TWIST2: variants seen among roughly 807,000 people sequenced by gnomAD.
TWIST2 encodes the protein twist family bHLH transcription factor 2.
Under a neutral mutation model 11.6 loss-of-function variants are expected in TWIST2, and 1 was observed. The ratio of observed to expected loss-of-function variants is 0.09; its 90% CI spans 0.03 to 0.41. The LOEUF (loss-of-function observed/expected upper bound fraction) is 0.41, where lower values mean the gene tolerates loss of function less well. TWIST2 is among the 10% of genes least tolerant of loss of function. The pLI is 0.98. For synonymous variants in TWIST2, 87 were observed against 96.6 expected (o/e 0.90, Z 0.58); for missense variants, 168 against 226.4 (o/e 0.74, Z 1.66).
At chr2:238,905,199 C>T (rs1189604210) in intron 1 of TWIST2, among the ~76,000 whole-genome samples, 7 of 151,442 alleles carry the variant, frequency 4.6e-5, no homozygotes, top group Non-Finnish European at 8.9e-5. Flanking sequence ...AATGGGGCCT[C>T]ACCTGCTCAT....
Position 238,866,613 on chromosome 2 carries a change from C to A in TWIST2, c.*35+17880C>A. Among the ~76,000 whole-genome samples, 1 of 152,050 alleles carries A rather than the reference C, an allele frequency of 6.6e-6. No homozygotes were observed. Among genetic ancestry groups the A allele is most frequent in the South Asian group, 2.1e-4 (1 of 4,822 alleles). ...CGGAGGTTGCAGTGAGCTGAGATCG[C>A]GCCACTGTACTCCAGCCTGGGTGAC... On this transcript the variant is annotated intron_variant, in intron 1 of 1. Transcript: ENST00000612363. The surrounding 1 kb of genome is among the most constrained non-coding windows in gnomAD (Gnocchi z 4.9).
At chr2:238,879,112 T>C (rs918075387) in intron 1 of TWIST2, among the ~76,000 whole-genome samples, 3 of 152,238 alleles carry the variant, frequency 2.0e-5, no homozygotes, top group Non-Finnish European at 4.4e-5. Context: ...TCGGCCGTCC[T>C]GGGCGGACAC....
chr2:238,906,308 A>G (rs1048693562), intron 1 of TWIST2, among the ~76,000 whole-genome samples: 24 of 151,910 alleles, frequency 1.6e-4, no homozygotes, highest in African/African-American at 5.6e-4. Flanking sequence ...ACACACACAG[A>G]CCCACTCAGG....
At chr2:238,887,675 A>G (rs1414793637) in intron 1 of TWIST2, among the ~76,000 whole-genome samples, 3 of 152,186 alleles carry the variant, frequency 2.0e-5, no homozygotes, top group African/African-American at 7.2e-5. Flanking sequence ...TGCAGCTTCC[A>G]GGCTAAAGTT....
rs998590034 is a variant in TWIST2, at chr2:238,902,507, A to T, written c.*36-7335A>T. 5.6e-3 allele frequency among the ~76,000 whole-genome samples: 745 copies of T among 133,094 alleles called. 2 individuals are homozygous for T. Among genetic ancestry groups the T allele is most frequent in the Non-Finnish European group, 9.3e-3 (576 of 61,998 alleles). The allele number at this position is 133,094 out of a possible 152,430, so 87.3% of individuals were successfully genotyped here. ...GTGTGATGTGGAGTGTGAGTGATGT[A>T]GGTGTGGATGTAGTATGGGGTGTGT... On this transcript the variant is annotated intron_variant, in intron 1 of 1. Transcript: ENST00000612363.
chr2:238,890,237 A>G (rs915366305), intron 1 of TWIST2, among the ~76,000 whole-genome samples: 7 of 152,118 alleles, frequency 4.6e-5, no homozygotes, highest in Admixed American at 4.6e-4. Context: ...CAGCCAGGCC[A>G]CCTGCCATGC....
chr2:238,854,064 T>C (rs1476643867), intron 1 of TWIST2, among the ~76,000 whole-genome samples: 1 of 152,220 alleles, frequency 6.6e-6, no homozygotes, highest in Non-Finnish European at 1.5e-5. Context: ...TGGAGAACTA[T>C]AGTTTTACTT....
At chr2:238,904,431 T>G (rs1347727687) in intron 1 of TWIST2, among the ~76,000 whole-genome samples, 3 of 150,982 alleles carry the variant, frequency 2.0e-5, no homozygotes, top group Non-Finnish European at 3.0e-5. Flanking sequence ...TGATGTGGGG[T>G]GTGTGTGATG....
At chr2:238,905,958 CGTGTGCGTGT>C (rs1693346005) in intron 1 of TWIST2, among the ~76,000 whole-genome samples, 3 of 107,680 alleles carry the variant, frequency 2.8e-5, no homozygotes, top group Admixed American at 8.1e-5. Context: ...CGCGTGTGTA[CGTGTGCGTGT>C]GTGTGCGCGC....
chr2:238,908,633 G>A (rs1693396838), intron 1 of TWIST2, among the ~76,000 whole-genome samples: 5 of 152,198 alleles, frequency 3.3e-5, no homozygotes, highest in Admixed American at 3.3e-4. Context: ...TATACCATAT[G>A]GTATGTTGTC....
Position 238,864,273 on chromosome 2 carries a change from G to A in TWIST2, c.*35+15540G>A, listed in dbSNP as rs1042274233. ...ACACCCCAAGCACGCGACTGTGAGC[G>A]GCGATCGGGGCCTGATCCTCAGTTC... On this transcript the variant is annotated intron_variant, in intron 1 of 1. Coordinates refer to ENST00000612363, the MANE Select transcript of TWIST2 (RefSeq NM_001271893.4). The surrounding 1 kb of genome is among the most constrained non-coding windows in gnomAD (Gnocchi z 4.7). Among the ~76,000 whole-genome samples, 2 of 152,174 alleles carry A rather than the reference G, an allele frequency of 1.3e-5. No homozygotes were observed. Among genetic ancestry groups the A allele is most frequent in the African/African-American group, 4.8e-5 (2 of 41,438 alleles).
At chr2:238,861,548 G>T (rs1304096214) in intron 1 of TWIST2, among the ~76,000 whole-genome samples, 1 of 152,090 alleles carries the variant, frequency 6.6e-6, no homozygotes, top group East Asian at 1.9e-4. Context: ...TGGGGGTAGT[G>T]TTCCGCCCTT....
chr2:238,899,227 C>G (rs1456545669), intron 1 of TWIST2, among the ~76,000 whole-genome samples: 1 of 152,386 alleles, frequency 6.6e-6, no homozygotes, highest in East Asian at 1.9e-4. Context: ...TCTCTGCTTT[C>G]TTCATTGTAG....
At position 238,905,634 on chromosome 2, in the gene TWIST2, G is replaced by A. The variant is rs1421880133; in HGVS notation, c.*36-4208G>A. 1.3e-5 allele frequency among the ~76,000 whole-genome samples: 2 copies of A among 152,142 alleles called. 1 individual carries two copies. Among genetic ancestry groups the A allele is most frequent in the Middle Eastern group, 6.3e-3 (2 of 316 alleles). The stretch of plus-strand genomic sequence containing the variant: ...CATGGGTGATACGGTATTTCCCCTT[G>A]GAGGGTTGGTTCAGCTCATATATCA... On this transcript the variant is annotated intron_variant, in intron 1 of 1. Transcript: ENST00000612363.
rs1692181649 is a variant in TWIST2 at position 238,848,751 on chromosome 2, G to A, written c.*35+18G>A. Reference sequence around the variant, plus strand: ...GCGCCAGGGTAGGTGCTGCGCGCGCGACGGGCGCCCTCCGCTGCGGGGGGC... The same window carrying A: ...GCGCCAGGGTAGGTGCTGCGCGCGCAACGGGCGCCCTCCGCTGCGGGGGGC... On this transcript the variant is annotated intron_variant, in intron 1 of 1. Transcript: ENST00000612363. 7.5e-7 allele frequency: 1 copy of A among 1,340,206 alleles called. No homozygotes were observed. Among genetic ancestry groups the A allele is most frequent in the Non-Finnish European group, 9.5e-7 (1 of 1,052,738 alleles). 83.0% of individuals were successfully genotyped at this position (1,340,206 alleles called of 1,614,324 possible).
chr2:238,902,614 C>G, intron 1 of TWIST2, among the ~76,000 whole-genome samples: 1 of 127,900 alleles, frequency 7.8e-6, no homozygotes, highest in African/African-American at 3.1e-5. Context: ...ATGAGTTGTG[C>G]ATGATGTGAG....
intron 1 of TWIST2, among the ~76,000 whole-genome samples, chr2:238,856,128 G>A (rs1026720540): frequency 2.6e-5 from 4 of 152,076 alleles, no homozygotes; most frequent in African/African-American, 9.7e-5. Flanking sequence ...CCCGAGGTAG[G>A]GTCAGGAGAG....
chr2:238,901,155 T>C (rs1333946161), intron 1 of TWIST2, among the ~76,000 whole-genome samples: 1 of 151,934 alleles, frequency 6.6e-6, no homozygotes, highest in Non-Finnish European at 1.5e-5. Flanking sequence ...TTTTGTATTT[T>C]TAGTAGAGAG....
chr2:238,903,138 GTC>G (rs1290259073), intron 1 of TWIST2, among the ~76,000 whole-genome samples: 5 of 142,096 alleles, frequency 3.5e-5, no homozygotes, highest in African/African-American at 8.3e-5. Flanking sequence ...TGGGGTGTGT[GTC>G]TCATGTGAGG....
Sources: allele counts gnomAD v4.1 joint callset (sites outside exome capture counted in the v4.1 genomes callset), GRCh38; gene constraint gnomAD v4.1.1; non-coding constraint Gnocchi (gnomAD v3.1); transcripts MANE v1.5; gene names NCBI Gene and HGNC (gene_info 2026-07-23, HGNC 2026-07-21).